Variants in RBX1 observed in about 807,000 individuals in gnomAD.
RBX1 encodes the protein E3 ubiquitin-protein ligase RBX1.
For synonymous variants in RBX1, 48 were observed against 47.9 expected (o/e 1.00, Z -0.01); for missense variants, 46 against 141.4 (o/e 0.33, Z 3.42).
At chr22:40,953,372 T>C (rs1024099829) in intron 1 of RBX1, among the ~76,000 whole-genome samples, 183 bp from the exon 2 acceptor site, 2 of 152,212 alleles carry the variant, frequency 1.3e-5, no homozygotes, top group Non-Finnish European at 2.9e-5. Flanking sequence ...TTTTGGAGAA[T>C]AGAACATACG....
chr22:40,954,532 C>T (rs1310270259), intron 2 of RBX1, among the ~76,000 whole-genome samples: 2 of 152,064 alleles, frequency 1.3e-5, no homozygotes, highest in African/African-American at 4.8e-5. Flanking sequence ...GTAGAAGGGA[C>T]AAGAATGTTG....
intron 2 of RBX1, among the ~76,000 whole-genome samples, chr22:40,962,022 G>C (rs1184865336): frequency 2.0e-5 from 3 of 152,060 alleles, no homozygotes; most frequent in Admixed American, 6.6e-5. Flanking sequence ...GACATCAAGT[G>C]ATCCGTCACC....
At chr22:40,961,450 G>A (rs2058339981) in intron 2 of RBX1, among the ~76,000 whole-genome samples, 1 of 151,728 alleles carries the variant, frequency 6.6e-6, no homozygotes, top group African/African-American at 2.4e-5. Context: ...GTCTCGCTCT[G>A]TTACCCAGGC....
Position 40,972,569 on chromosome 22 carries a change from A to G in RBX1, c.*81A>G. The G allele has an allele frequency of 8.6e-7, 1 of 1,160,630 alleles. No homozygotes were observed. The highest frequency in any genetic ancestry group is 1.3e-6 in the Non-Finnish European group (1 of 775,032). The allele number at this position is 1,160,630 out of a possible 1,614,324, so 71.9% of individuals were successfully genotyped here. On this transcript the variant is annotated 3_prime_UTR_variant, in exon 5 of 5. Transcript: ENST00000216225. ...CTGCTGTTACCTAATTACAAATTGG[A>G]TGGAACTGTGTTTTTTTCTGCTTTG...
At chr22:40,953,987 T>C (rs1274882444) in intron 2 of RBX1, among the ~76,000 whole-genome samples, 1 of 152,132 alleles carries the variant, frequency 6.6e-6, no homozygotes, top group South Asian at 2.1e-4. Context: ...TAAAATATTC[T>C]GAGGCCAAGC....
intron 2 of RBX1, among the ~76,000 whole-genome samples, chr22:40,955,895 A>G (rs2058324146): frequency 6.6e-6 from 1 of 152,216 alleles, no homozygotes; most frequent in Admixed American, 6.6e-5. Flanking sequence ...CCCATCACAG[A>G]AAAACATATG....
intron 1 of RBX1, among the ~76,000 whole-genome samples, chr22:40,951,910 C>G (rs896004516): frequency 6.6e-6 from 1 of 152,078 alleles, no homozygotes; most frequent in African/African-American, 2.4e-5. Context: ...TTAGAGGCCT[C>G]TGAGGACCCC....
chr22:40,955,251 T>G (rs1293165157), intron 2 of RBX1, among the ~76,000 whole-genome samples: 1 of 151,916 alleles, frequency 6.6e-6, no homozygotes, highest in Non-Finnish European at 1.5e-5. Context: ...ATTTTAAATT[T>G]TCTTTTTCCT....
chr22:40,972,127 CCT>C (rs1458883622), intron 4 of RBX1, among the ~76,000 whole-genome samples: 2 of 152,164 alleles, frequency 1.3e-5, no homozygotes, highest in Non-Finnish European at 2.9e-5. Flanking sequence ...TGTCTGAGCC[CCT>C]GTTGGGAGTG....
At position 40,972,727 on chromosome 22, in the gene RBX1, G is replaced by T. The variant is rs2058372449; in HGVS notation, c.*239G>T. 2 of 464,524 alleles carry T rather than the reference G, an allele frequency of 4.3e-6. No individual in the cohort carries two copies. Among genetic ancestry groups the T allele is most frequent in the African/African-American group, 3.9e-5 (2 of 50,854 alleles). The allele number at this position is 464,524 out of a possible 1,614,324, so 28.8% of individuals were successfully genotyped here. A position where few individuals can be genotyped will look rare whatever the true frequency, so the allele number is the denominator to read the frequency against. On this transcript the variant is annotated 3_prime_UTR_variant, in exon 5 of 5. Transcript: ENST00000216225. The stretch of plus-strand genomic sequence containing the variant: ...TAAATGAAGAGTCTCCCCTTCCAAG[G>T]CTGAAAACTCAGCTTTTGAAAGTGA...
At chr22:40,972,069 T>C (rs187789526) in intron 4 of RBX1, among the ~76,000 whole-genome samples, 18 of 152,274 alleles carry the variant, frequency 1.2e-4, no homozygotes, top group Admixed American at 1.1e-3. Flanking sequence ...GTACTGGAGT[T>C]CAGGTGAAAA....
chr22:40,962,716 G>A (rs1351459145), intron 2 of RBX1, among the ~76,000 whole-genome samples: 5 of 146,260 alleles, frequency 3.4e-5, no homozygotes, highest in South Asian at 2.2e-4. Flanking sequence ...TTTTTGAGAC[G>A]GAGTCTTGCA....
intron 2 of RBX1, among the ~76,000 whole-genome samples, chr22:40,962,231 A>G (rs1241855609): frequency 6.6e-6 from 1 of 151,920 alleles, no homozygotes; most frequent in East Asian, 1.9e-4. Flanking sequence ...CCTCCCAAGT[A>G]ACTGGGATTG....
rs1189242873 is a variant in RBX1 at position 40,969,640 on chromosome 22, T to C, written c.314+1756T>C. On this transcript the variant is annotated intron_variant, in intron 4 of 4. Coordinates refer to ENST00000216225, the MANE Select transcript of RBX1 (RefSeq NM_014248.4). ...TGGCTCATGCCTGTAATCCCAGCACTTTGGCAGGTTGAGGCAGGTGGATCA... is the reference window on the plus strand; with the variant it reads ...TGGCTCATGCCTGTAATCCCAGCACCTTGGCAGGTTGAGGCAGGTGGATCA... 3.9e-5 allele frequency among the ~76,000 whole-genome samples: 6 copies of C among 152,250 alleles called. No homozygotes were observed. In the East Asian group the frequency reaches 1.2e-3, roughly 29 times the overall value.
In RBX1 at chr22:40,961,081, C is replaced by CTTTT. The variant is rs61092253; in HGVS notation, c.158-2946_158-2943dup. On this transcript the variant is annotated intron_variant, in intron 2 of 4. Coordinates refer to ENST00000216225, the MANE Select transcript of RBX1 (RefSeq NM_014248.4). ...GCCCGGCCGAGCCACCGTGCCTGGC[C>CTTTT]TTTTTTTTTTTTTTTTTTTTTTTGA... Among the ~76,000 whole-genome samples, 150 of 107,640 alleles carry CTTTT rather than the reference C, an allele frequency of 1.4e-3. 2 individuals carry two copies. The highest frequency in any genetic ancestry group is 6.5e-3 in the Middle Eastern group (1 of 154). 70.6% of individuals were successfully genotyped at this position (107,640 alleles called of 152,430 possible).
intron 3 of RBX1, 172 bp downstream of exon 3, chr22:40,964,289 G>A (rs1601538089): frequency 1.9e-6 from 1 of 518,330 alleles, no homozygotes; most frequent in Non-Finnish European, 3.5e-6. Flanking sequence ...CTGTTACAGG[G>A]TAAAAATTAC....
At chr22:40,972,191 C>A (rs535116628) in intron 4 of RBX1, among the ~76,000 whole-genome samples, 4 of 152,286 alleles carry the variant, frequency 2.6e-5, no homozygotes, top group Admixed American at 2.6e-4. Context: ...CTCTCACCTC[C>A]CTAATACCAC....
intron 2 of RBX1, among the ~76,000 whole-genome samples, chr22:40,961,787 C>A (rs563176559): frequency 6.7e-6 from 1 of 149,338 alleles, no homozygotes; most frequent in Non-Finnish European, 1.5e-5. Context: ...TTTGCTTTCT[C>A]TGTGTGTGTG....
chr22:40,968,333 T>C (rs922224786), intron 4 of RBX1, among the ~76,000 whole-genome samples: 1 of 152,084 alleles, frequency 6.6e-6, no homozygotes, highest in Non-Finnish European at 1.5e-5. Context: ...TCAACTGATC[T>C]GCCTGCCTCG....
Sources: gnomAD v4.1 joint callset for allele counts (sites outside exome capture counted in the v4.1 genomes callset) on GRCh38, gnomAD v4.1.1 for gene constraint, MANE v1.5 for transcripts, NCBI Gene and HGNC (gene_info 2026-07-23, HGNC 2026-07-21) for gene names.